Variants in ROBO2 observed in about 807,000 individuals in gnomAD.
ROBO2 encodes roundabout guidance receptor 2.
ROBO2 carries 53 observed loss-of-function variants against 160.8 expected under a neutral mutation model. The observed-to-expected ratio is 0.33, with a 90% confidence interval of 0.26 to 0.41. The LOEUF (loss-of-function observed/expected upper bound fraction) is 0.41. Among genes scored for constraint, ROBO2 ranks in the 10% least tolerant of loss-of-function variants. The pLI, the probability that ROBO2 is intolerant of heterozygous loss-of-function variation, is 1.00. For synonymous variants in ROBO2, 664 were observed against 611.7 expected, an observed-to-expected ratio of 1.09 and a Z score of -1.26; for missense variants, 1,577 against 1,722.4, an observed-to-expected ratio of 0.92 and a Z score of 1.49.
At chr3:77,336,459 C>G (rs2066505645) in intron 2 of ROBO2, among the ~76,000 whole-genome samples, 1 of 151,988 alleles carries the variant, frequency 6.6e-6, no homozygotes, top group East Asian at 1.9e-4. Flanking sequence ...TTCTCCTCCT[C>G]CTTCTGCTCC....
At chr3:77,557,863 A>T in intron 8 of ROBO2, 81 bp from the exon 10 acceptor site, 1 of 1,099,942 alleles carries the variant, frequency 9.1e-7, no homozygotes, top group Non-Finnish European at 1.4e-6. Flanking sequence ...TTGGGGCTTT[A>T]ACCTTACTTT....
intron 9 of ROBO2, among the ~76,000 whole-genome samples, chr3:77,561,168 C>T (rs983216055): frequency 2.0e-5 from 3 of 152,160 alleles, no homozygotes. Flanking sequence ...ATGGCAGTAA[C>T]ATCCAGGCAC....
intron 2 of ROBO2, among the ~76,000 whole-genome samples, chr3:76,918,642 T>C (rs2076474069): frequency 6.6e-6 from 1 of 152,230 alleles, no homozygotes; most frequent in Non-Finnish European, 1.5e-5. Flanking sequence ...CATTTGCCTA[T>C]GCATTTATTT....
At chr3:76,756,582 A>T (rs574061571) in intron 2 of ROBO2, among the ~76,000 whole-genome samples, 2 of 152,032 alleles carry the variant, frequency 1.3e-5, no homozygotes, top group South Asian at 4.1e-4. Context: ...TGCAGTAGAC[A>T]TAGTTATTGC....
chr3:76,755,739 G>C (rs2060935055), intron 2 of ROBO2, among the ~76,000 whole-genome samples: 1 of 151,766 alleles, frequency 6.6e-6, no homozygotes, highest in East Asian at 1.9e-4. Context: ...ACATTAATCA[G>C]TGACTTTGAT....
intron 2 of ROBO2, among the ~76,000 whole-genome samples, chr3:77,204,599 T>C (rs1293310393): frequency 2.0e-5 from 3 of 152,204 alleles, no homozygotes. Context: ...CCTTCATTTC[T>C]AATAAACATA....
At chr3:76,952,371 C>T (rs1369193550) in intron 2 of ROBO2, among the ~76,000 whole-genome samples, 3 of 152,192 alleles carry the variant, frequency 2.0e-5, no homozygotes, top group Non-Finnish European at 2.9e-5. Flanking sequence ...CAACCTCCGC[C>T]TCCCGGGTTC....
intron 20 of ROBO2, chr3:77,603,826 T>G (rs976673966): frequency 6.6e-6 from 1 of 152,214 alleles, no homozygotes; most frequent in African/African-American, 2.4e-5. Flanking sequence ...CCATGACATA[T>G]ACATTGTATG....
intron 2 of ROBO2, among the ~76,000 whole-genome samples, chr3:75,980,173 A>C (rs972498339): frequency 4.6e-5 from 7 of 151,478 alleles, no homozygotes; most frequent in Non-Finnish European, 1.0e-4. Context: ...AGATTTCATA[A>C]AGTGCTTACG....
At chr3:75,952,222 C>T (rs1948567457) in intron 2 of ROBO2, among the ~76,000 whole-genome samples, 2 of 151,784 alleles carry the variant, frequency 1.3e-5, no homozygotes, top group Non-Finnish European at 2.9e-5. Context: ...TTAAACCAAA[C>T]TATGATTGAT....
At position 77,348,849 on chromosome 3, in the gene ROBO2, T is replaced by C. The variant is rs144124014; in HGVS notation, c.389-128565T>C. Among the ~76,000 whole-genome samples the C allele has an allele frequency of 2.3e-3, 350 of 152,242 alleles. 1 individual carries two copies. Among genetic ancestry groups the C allele is most frequent in the African/African-American group, 8.1e-3 (336 of 41,556 alleles). The stretch of plus-strand genomic sequence containing the variant: ...AGGGCTAAGTCCTCATTATCTTCCT[T>C]GCTTTTTCTTACAGATGCATCACCT... On this transcript the variant is annotated intron_variant, in intron 2 of 25. Coordinates refer to ENST00000461745, the Ensembl canonical transcript of ROBO2.
intron 2 of ROBO2, chr3:75,964,905 T>C (rs969624666): frequency 1.3e-5 from 2 of 149,856 alleles, no homozygotes; most frequent in Non-Finnish European, 3.0e-5. Context: ...ATTCCCATTA[T>C]ATGTTTCCCA....
intron 2 of ROBO2, among the ~76,000 whole-genome samples, chr3:76,232,276 G>C (rs1307054932): frequency 6.6e-6 from 1 of 152,184 alleles, no homozygotes; most frequent in African/African-American, 2.4e-5. Context: ...TAGTAGACTT[G>C]AGAAGAGAAG....
At chr3:76,824,927 G>A (rs1431924194) in intron 2 of ROBO2, among the ~76,000 whole-genome samples, 1 of 152,136 alleles carries the variant, frequency 6.6e-6, no homozygotes, top group Non-Finnish European at 1.5e-5. Flanking sequence ...TACCAAGCAT[G>A]AAGTCACCTG....
chr3:77,509,635 C>T (rs1007946012), intron 5 of ROBO2, among the ~76,000 whole-genome samples: 3 of 152,014 alleles, frequency 2.0e-5, no homozygotes, highest in East Asian at 1.9e-4. Context: ...TAAAGTGATT[C>T]TTCTGCTCAA....
chr3:76,054,575 A>G (rs930161250), intron 2 of ROBO2, among the ~76,000 whole-genome samples: 1 of 152,208 alleles, frequency 6.6e-6, no homozygotes, highest in Non-Finnish European at 1.5e-5. Flanking sequence ...GTTGTCACTT[A>G]TAAGTAGGAG....
At chr3:77,158,232 A>G (rs1014451029) in intron 2 of ROBO2, among the ~76,000 whole-genome samples, 2 of 152,146 alleles carry the variant, frequency 1.3e-5, no homozygotes, top group African/African-American at 4.8e-5. Context: ...GGTAGAACTC[A>G]TTGATAACCA....
chr3:76,762,088 G>T (rs2061338531), intron 2 of ROBO2, among the ~76,000 whole-genome samples: 1 of 151,294 alleles, frequency 6.6e-6, no homozygotes, highest in African/African-American at 2.4e-5. Flanking sequence ...ATAATGTGGA[G>T]GAGTCCTTAT....
At chr3:76,494,893 A>C (rs1247803260) in intron 2 of ROBO2, among the ~76,000 whole-genome samples, 1 of 152,190 alleles carries the variant, frequency 6.6e-6, no homozygotes, top group African/African-American at 2.4e-5. Flanking sequence ...GGCTGGAGGA[A>C]GTAGACAATT....
Sources: gnomAD v4.1 joint callset for allele counts (sites outside exome capture counted in the v4.1 genomes callset) on GRCh38, gnomAD v4.1.1 for gene constraint, MANE v1.5 for transcripts, NCBI Gene and HGNC (gene_info 2026-07-23, HGNC 2026-07-21) for gene names.